ABHD17C: variants seen among roughly 807,000 people sequenced by gnomAD.
ABHD17C encodes the protein alpha/beta hydrolase domain-containing protein 17C.
Under a neutral mutation model 27.9 loss-of-function variants are expected in ABHD17C, and 11 were observed. That is an observed-to-expected ratio of 0.39 (90% CI 0.25 to 0.65). The LOEUF (loss-of-function observed/expected upper bound fraction) is 0.65. Ranked by LOEUF, ABHD17C falls within the 30% of genes least tolerant of loss-of-function variation. The probability of loss-of-function intolerance (pLI) is 0.45; values close to 1 mark genes in which losing one functional copy is unlikely to be tolerated. For synonymous variants in ABHD17C, 233 were observed against 209.1 expected, an observed-to-expected ratio of 1.11 and a Z score of -0.98; for missense variants, 280 against 470.2, an observed-to-expected ratio of 0.60 and a Z score of 3.74.
chr15:80,696,123 C>A, intron 1 of ABHD17C, 104 bp downstream of exon 1: 1 of 1,229,040 alleles, frequency 8.1e-7, no homozygotes, highest in Non-Finnish European at 1.1e-6. Flanking sequence ...GGCCCCTCCT[C>A]CGGGGCTGAG....
At chr15:80,721,446 G>C (rs1894896599) in intron 1 of ABHD17C, among the ~76,000 whole-genome samples, 1 of 152,038 alleles carries the variant, frequency 6.6e-6, no homozygotes, top group African/African-American at 2.4e-5. Flanking sequence ...TCAGATTTGG[G>C]CTGAATCTTG....
chr15:80,699,568 C>A (rs776420583), intron 1 of ABHD17C, among the ~76,000 whole-genome samples: 1 of 152,174 alleles, frequency 6.6e-6, no homozygotes, highest in Non-Finnish European at 1.5e-5. Flanking sequence ...TTATCCATTA[C>A]CTATTTGTGC....
chr15:80,720,028 G>A (rs1446632100), intron 1 of ABHD17C, among the ~76,000 whole-genome samples: 1 of 152,098 alleles, frequency 6.6e-6, no homozygotes, highest in East Asian at 1.9e-4. Context: ...TTGAACTCCT[G>A]GGCTCAAGAA....
At chr15:80,723,469 A>G (rs1434311402) in intron 1 of ABHD17C, among the ~76,000 whole-genome samples, 2 of 152,164 alleles carry the variant, frequency 1.3e-5, no homozygotes, top group Non-Finnish European at 2.9e-5. Flanking sequence ...TCATGTTGTT[A>G]GGGCCTATGC....
intron 1 of ABHD17C, among the ~76,000 whole-genome samples, chr15:80,699,437 A>G (rs953207538): frequency 1.3e-5 from 2 of 151,706 alleles, no homozygotes; most frequent in Admixed American, 6.6e-5. Flanking sequence ...AAAGGGCCAG[A>G]TGTATTGGCT....
chr15:80,753,428 C>T (rs890251783), intron 2 of ABHD17C, among the ~76,000 whole-genome samples: 1 of 152,154 alleles, frequency 6.6e-6, no homozygotes, highest in Admixed American at 6.5e-5. Context: ...AATGCACCAA[C>T]GTTGGTGTTT....
At chr15:80,730,750 G>A (rs1182765538) in intron 1 of ABHD17C, among the ~76,000 whole-genome samples, 1 of 152,180 alleles carries the variant, frequency 6.6e-6, no homozygotes, top group Non-Finnish European at 1.5e-5. Context: ...AAAAGAAACG[G>A]AATCTGCTAT....
chr15:80,719,623 C>G (rs574323197), intron 1 of ABHD17C, among the ~76,000 whole-genome samples: 15 of 152,356 alleles, frequency 9.8e-5, no homozygotes, highest in African/African-American at 2.4e-4. Context: ...ATTTTCATCT[C>G]TACACATGGT....
chr15:80,753,196 AATAT>A (rs1231609514), intron 2 of ABHD17C, among the ~76,000 whole-genome samples: 2 of 151,768 alleles, frequency 1.3e-5, no homozygotes, highest in Admixed American at 1.3e-4. Flanking sequence ...ATAATATATA[AATAT>A]AAAAAAATCT....
intron 1 of ABHD17C, among the ~76,000 whole-genome samples, chr15:80,718,792 G>T (rs1265277860): frequency 6.6e-6 from 1 of 152,132 alleles, no homozygotes; most frequent in Non-Finnish European, 1.5e-5. Context: ...CAATAGAGTG[G>T]CGTCATTTTG....
rs557481977 is a variant in ABHD17C at position 80,743,515 on chromosome 15, C to T, written c.591-5998C>T. Among the ~76,000 whole-genome samples, 106 of 152,304 alleles carry T rather than the reference C, an allele frequency of 7.0e-4. No homozygotes were observed. In the South Asian group the frequency reaches 0.02, roughly 29 times the overall value. On this transcript the variant is annotated intron_variant, in intron 1 of 2. Coordinates refer to ENST00000258884, the MANE Select transcript of ABHD17C (RefSeq NM_021214.2). ...TTTTTAACCTTTTCCCATTGTGATA[C>T]TCCCCAAAATAGCAAATCATAATTA...
At chr15:80,707,224 G>A (rs1330086776) in intron 1 of ABHD17C, among the ~76,000 whole-genome samples, 1 of 152,200 alleles carries the variant, frequency 6.6e-6, no homozygotes, top group Non-Finnish European at 1.5e-5. Flanking sequence ...AGGGAAATGG[G>A]AAAGTGTGGA....
rs1006840419 is a variant in ABHD17C at position 80,749,654 on chromosome 15, G to A, written c.732G>A (p.Pro244=). ...TGTCTGGTTTGCGTGTGGCTTTTCC[G>A]GATACCAGGAAAACATACTGCTTTG... The part of the protein sequence containing the change: ...PLMSGLRVAF[P]DTRKTYCFDA... The change falls in exon 2 of 3, where the codon CCG becomes CCA. Residue 244 remains proline (P), a synonymous_variant. Coordinates refer to ENST00000258884, the MANE Select transcript of ABHD17C (RefSeq NM_021214.2). 4.3e-6 allele frequency: 7 copies of A among 1,613,778 alleles called. No homozygotes were observed. Among genetic ancestry groups the A allele is most frequent in the African/African-American group, 2.7e-5 (2 of 74,886 alleles).
intron 1 of ABHD17C, among the ~76,000 whole-genome samples, chr15:80,728,643 C>T (rs1443619056): frequency 6.6e-6 from 1 of 152,192 alleles, no homozygotes; most frequent in Non-Finnish European, 1.5e-5. Flanking sequence ...TTCTTTAGTA[C>T]ATCTAAGTCG....
chr15:80,701,933 C>T (rs1386290517), intron 1 of ABHD17C, among the ~76,000 whole-genome samples: 1 of 150,790 alleles, frequency 6.6e-6, no homozygotes, highest in Non-Finnish European at 1.5e-5. Context: ...CTGGCTCTTC[C>T]GGCTTGCCTC....
intron 1 of ABHD17C, among the ~76,000 whole-genome samples, chr15:80,722,557 T>C (rs953428578): frequency 2.6e-5 from 4 of 152,148 alleles, no homozygotes; most frequent in South Asian, 2.1e-4. Context: ...CTTTTTTTTT[T>C]TCCTTTTGTG....
intron 1 of ABHD17C, among the ~76,000 whole-genome samples, chr15:80,742,635 A>G (rs182580534): frequency 6.6e-6 from 1 of 152,324 alleles, no homozygotes. Flanking sequence ...TCTAGTTGAT[A>G]CGTAAAATTA....
intron 1 of ABHD17C, among the ~76,000 whole-genome samples, chr15:80,741,211 T>A (rs1895204585): frequency 6.6e-6 from 1 of 152,046 alleles, no homozygotes; most frequent in East Asian, 1.9e-4. Context: ...CATCTTTCTG[T>A]CCTCTAAAGG....
chr15:80,703,907 A>G (rs1426194742), intron 1 of ABHD17C, among the ~76,000 whole-genome samples: 1 of 152,206 alleles, frequency 6.6e-6, no homozygotes, highest in Non-Finnish European at 1.5e-5. Context: ...ATACATACCT[A>G]TCTACAATAA....
Sources: gnomAD v4.1 joint callset for allele counts (sites outside exome capture counted in the v4.1 genomes callset) on GRCh38, gnomAD v4.1.1 for gene constraint, MANE v1.5 for transcripts, NCBI Gene and HGNC (gene_info 2026-07-23, HGNC 2026-07-21) for gene names.